Variants in ABLIM3 observed in about 807,000 individuals in gnomAD.
The protein encoded by ABLIM3 is actin-binding LIM protein 3.
ABLIM3 carries 61 observed loss-of-function variants against 109.5 expected under a neutral mutation model. The observed-to-expected ratio is 0.56, with a 90% CI of 0.45 to 0.69. The LOEUF (loss-of-function observed/expected upper bound fraction) is 0.69. Ranked by LOEUF, ABLIM3 falls within the 30% of genes least tolerant of loss-of-function variation. The pLI is 0.00. For synonymous variants in ABLIM3, 300 were observed against 324.8 expected (o/e 0.92, Z 0.82); for missense variants, 796 against 889.5 (o/e 0.89, Z 1.34).
At chr5:149,217,096 A>G (rs1453693233) in intron 8 of ABLIM3, 50 bp downstream of exon 8, 1 of 1,519,508 alleles carries the variant, frequency 6.6e-7, no homozygotes, top group South Asian at 1.1e-5. Context: ...TCATGACTGG[A>G]AAGGAGATGC....
At chr5:149,237,799 C>T (rs1233743715) in intron 11 of ABLIM3, among the ~76,000 whole-genome samples, 196 bp downstream of exon 11, 1 of 152,258 alleles carries the variant, frequency 6.6e-6, no homozygotes, top group East Asian at 1.9e-4. Flanking sequence ...AAAATCAGAG[C>T]CGACAACCTT....
intron 8 of ABLIM3, among the ~76,000 whole-genome samples, chr5:149,226,795 G>A (rs1163578439): frequency 1.3e-5 from 2 of 152,202 alleles, no homozygotes; most frequent in Non-Finnish European, 2.9e-5. Context: ...CATTGGCCGG[G>A]CATGGTGGCT....
At chr5:149,256,079 A>T (rs1754398579) in intron 23 of ABLIM3, among the ~76,000 whole-genome samples, 1 of 152,170 alleles carries the variant, frequency 6.6e-6, no homozygotes, top group South Asian at 2.1e-4. Flanking sequence ...TCTGTGGCAA[A>T]TGTCAGATGG....
At position 149,234,857 on chromosome 5, in the gene ABLIM3, G is replaced by T. The variant is rs114898135; in HGVS notation, c.888+1557G>T. ...GGAGCACTCAGGAAGCTGCTGCACTGTAATACTGTTCATCACAAGCTGGTC... is the reference window on the plus strand; with the variant it reads ...GGAGCACTCAGGAAGCTGCTGCACTTTAATACTGTTCATCACAAGCTGGTC... On this transcript the variant is annotated intron_variant, in intron 10 of 23. Transcript: ENST00000309868. 2.7e-3 allele frequency among the ~76,000 whole-genome samples: 405 copies of T among 152,326 alleles called. 2 individuals are homozygous for T. The highest frequency in any genetic ancestry group is 8.8e-3 in the African/African-American group (366 of 41,584).
At chr5:149,174,820 G>A (rs993501366) in intron 2 of ABLIM3, 4 of 152,186 alleles carry the variant, frequency 2.6e-5, no homozygotes, top group Non-Finnish European at 4.4e-5. Flanking sequence ...TGTAACTTCA[G>A]GCTAATTAAT....
intron 18 of ABLIM3, among the ~76,000 whole-genome samples, chr5:149,248,983 T>C (rs1298871356): frequency 6.6e-6 from 1 of 152,080 alleles, no homozygotes; most frequent in African/African-American, 2.4e-5. Context: ...TTATGGATAA[T>C]AAAATGCACC....
intron 5 of ABLIM3, among the ~76,000 whole-genome samples, chr5:149,204,438 G>C (rs1297561461): frequency 6.6e-6 from 1 of 152,110 alleles, no homozygotes; most frequent in Admixed American, 6.6e-5. Context: ...GGGCGAAAAG[G>C]TCCTAATAAA....
chr5:149,187,825 A>G (rs1561566176), intron 3 of ABLIM3, among the ~76,000 whole-genome samples: 1 of 152,120 alleles, frequency 6.6e-6, no homozygotes, highest in Non-Finnish European at 1.5e-5. Context: ...TCACCCCGTC[A>G]TTCTCTTTAA....
intron 18 of ABLIM3, 136 bp downstream of exon 18, chr5:149,248,065 C>T: frequency 2.6e-6 from 3 of 1,152,542 alleles, no homozygotes; most frequent in Non-Finnish European, 3.6e-6. Context: ...CTCACAGCAG[C>T]CCTGTGGTGG....
intron 2 of ABLIM3, among the ~76,000 whole-genome samples, chr5:149,151,588 G>T (rs1026065401): frequency 6.6e-6 from 1 of 152,186 alleles, no homozygotes. Flanking sequence ...CCCTCATTTT[G>T]CTATCCCTGA....
At chr5:149,207,543 T>G (rs1328957957) in intron 6 of ABLIM3, among the ~76,000 whole-genome samples, 4 of 152,250 alleles carry the variant, frequency 2.6e-5, no homozygotes, top group Admixed American at 6.5e-5. Context: ...TACCATTTAT[T>G]GAGCTTTAAT....
At chr5:149,143,041 A>G (rs548891856) in intron 2 of ABLIM3, among the ~76,000 whole-genome samples, 2 of 152,174 alleles carry the variant, frequency 1.3e-5, no homozygotes, top group African/African-American at 4.8e-5. Flanking sequence ...CAGACTGCTC[A>G]TCTGTATGAT....
chr5:149,199,060 G>A (rs1271146095), intron 4 of ABLIM3: 1 of 456,632 alleles, frequency 2.2e-6, no homozygotes, highest in Admixed American at 2.3e-5. Context: ...TCCAGGGATG[G>A]AGAGCTCATC....
At chr5:149,248,436 A>G (rs1753603806) in intron 18 of ABLIM3, among the ~76,000 whole-genome samples, 2 of 152,132 alleles carry the variant, frequency 1.3e-5, no homozygotes, top group African/African-American at 4.8e-5. Flanking sequence ...TCATGACTGT[A>G]ATCCCAGCAC....
chr5:149,216,933 C>T, intron 7 of ABLIM3, 26 bp from the exon 8 acceptor site: 2 of 1,607,488 alleles, frequency 1.2e-6, no homozygotes, highest in South Asian at 1.1e-5. Flanking sequence ...GCTCTGACCT[C>T]CTGTTTCATC....
At chr5:149,219,470 T>G (rs908712814) in intron 8 of ABLIM3, 5 of 152,256 alleles carry the variant, frequency 3.3e-5, no homozygotes, top group Admixed American at 1.3e-4. Context: ...AACTGTAAAG[T>G]GCCAACCCTC....
chr5:149,168,018 C>T (rs1365139946), intron 2 of ABLIM3, among the ~76,000 whole-genome samples: 2 of 152,132 alleles, frequency 1.3e-5, no homozygotes, highest in Non-Finnish European at 2.9e-5. Flanking sequence ...GTTTAGCAGC[C>T]TCCCCAGCCT....
At chr5:149,210,856 G>A (rs768180280) in intron 7 of ABLIM3, 37 bp downstream of exon 7, 1 of 1,594,096 alleles carries the variant, frequency 6.3e-7, no homozygotes. Flanking sequence ...ATGTGGCAGG[G>A]TGATCTGTGC....
chr5:149,222,326 G>A (rs1020905257), intron 8 of ABLIM3, among the ~76,000 whole-genome samples: 6 of 152,146 alleles, frequency 3.9e-5, no homozygotes, highest in Middle Eastern at 3.4e-3. Flanking sequence ...AAGAGCATAC[G>A]CCACTTAGCC....
Sources: gnomAD v4.1 joint callset for allele counts (sites outside exome capture counted in the v4.1 genomes callset) on GRCh38, gnomAD v4.1.1 for gene constraint, MANE v1.5 for transcripts, NCBI Gene and HGNC (gene_info 2026-07-23, HGNC 2026-07-21) for gene names.